The following WIPF2 variants were observed in gnomAD, a reference collection of about 807,000 sequenced individuals.
WIPF2 encodes WAS/WASL-interacting protein family member 2.
A neutral mutation model predicts 38.8 loss-of-function variants in WIPF2; 23 were observed. The ratio of observed to expected loss-of-function variants is 0.59; its 90% CI spans 0.43 to 0.84. WIPF2 has a LOEUF of 0.84. WIPF2 is among the 40% of genes least tolerant of loss of function. WIPF2 has a pLI of 0.00. For synonymous variants in WIPF2, 210 were observed against 223.2 expected (o/e 0.94, Z 0.53); for missense variants, 574 against 580.5 (o/e 0.99, Z 0.11).
At chr17:40,270,511 G>A (rs922172291) in intron 5 of WIPF2, among the ~76,000 whole-genome samples, 4 of 152,136 alleles carry the variant, frequency 2.6e-5, no homozygotes, top group African/African-American at 9.7e-5. Flanking sequence ...GCCATTCCAG[G>A]TCGTCTCATC....
At chr17:40,268,630 T>C (rs2032159531) in intron 5 of WIPF2, among the ~76,000 whole-genome samples, 1 of 152,114 alleles carries the variant, frequency 6.6e-6, no homozygotes, top group Admixed American at 6.6e-5. Context: ...AGATGAGGTC[T>C]GTGTTGCCCA....
intron 1 of WIPF2, among the ~76,000 whole-genome samples, chr17:40,243,331 G>A (rs1254214456): frequency 2.0e-5 from 3 of 152,064 alleles, no homozygotes; most frequent in African/African-American, 7.2e-5. Context: ...AAAAATCTGG[G>A]GGAAGAGGAA....
Position 40,282,775 on chromosome 17 carries a change from G to A in WIPF2, c.*4550G>A, listed in dbSNP as rs1226365490. On this transcript the variant is annotated 3_prime_UTR_variant, in exon 8 of 8. Coordinates refer to ENST00000323571, the MANE Select transcript of WIPF2 (RefSeq NM_133264.5). ...AGAAAACCTTTGCCTCATAATTTGG[G>A]TAAGTGTAGTGGTTTGATTCCAGGT... The A allele has an allele frequency of 1.3e-5, 2 of 152,168 alleles. No individual in the cohort carries two copies. The highest frequency in any genetic ancestry group is 4.8e-5 in the African/African-American group (2 of 41,432). 9.4% of individuals were successfully genotyped at this position (152,168 alleles called of 1,614,324 possible).
intron 6 of WIPF2, among the ~76,000 whole-genome samples, chr17:40,274,571 A>G (rs1285287004): frequency 2.7e-4 from 40 of 147,604 alleles, no homozygotes; most frequent in African/African-American, 8.8e-4. Context: ...AAAAAAAAAA[A>G]AAAAAAAAAA....
intron 1 of WIPF2, among the ~76,000 whole-genome samples, chr17:40,228,077 G>T: frequency 7.4e-6 from 1 of 135,400 alleles, no homozygotes; most frequent in Non-Finnish European, 1.6e-5. Flanking sequence ...GTGCAGTGGC[G>T]GGATCTCGGC....
chr17:40,274,873 G>C (rs945228511), intron 6 of WIPF2, among the ~76,000 whole-genome samples: 1 of 143,282 alleles, frequency 7.0e-6, no homozygotes, highest in African/African-American at 2.6e-5. Flanking sequence ...TGAGGCTGCA[G>C]CAAACCATTG....
chr17:40,226,836 A>T (rs1598464440), intron 1 of WIPF2, among the ~76,000 whole-genome samples: 3 of 151,038 alleles, frequency 2.0e-5, no homozygotes, highest in Admixed American at 2.0e-4. Flanking sequence ...CTGCCTCCTG[A>T]GTTCAAGCGA....
intron 1 of WIPF2, among the ~76,000 whole-genome samples, chr17:40,233,907 T>C (rs1425146355): frequency 6.6e-6 from 1 of 151,852 alleles, no homozygotes; most frequent in African/African-American, 2.4e-5. Context: ...CTACTAAAAA[T>C]ACAAATTTAG....
chr17:40,219,630 AG>A (rs2030083350), intron 1 of WIPF2, 138 bp downstream of exon 1: 1 of 11,932 alleles, frequency 8.4e-5, no homozygotes, highest in African/African-American at 3.5e-4. Context: ...CCGGAGGGGG[AG>A]AGGGGTCTTG....
intron 2 of WIPF2, among the ~76,000 whole-genome samples, chr17:40,257,481 C>T (rs1240524707): frequency 1.3e-5 from 2 of 151,940 alleles, no homozygotes; most frequent in Non-Finnish European, 2.9e-5. Flanking sequence ...GCTACTTTAG[C>T]CATACCTAGA....
intron 6 of WIPF2, among the ~76,000 whole-genome samples, chr17:40,275,764 G>A (rs1201487593): frequency 2.0e-5 from 3 of 151,892 alleles, no homozygotes; most frequent in Non-Finnish European, 4.4e-5. Flanking sequence ...ATGAGGTTTT[G>A]CCATGTTGCC....
chr17:40,284,116 ACTAC>A lies in WIPF2; in HGVS notation c.*5895_*5898del, dbSNP rs1381053077. The A allele has an allele frequency of 6.6e-6, 1 of 152,232 alleles. No individual in the cohort carries two copies. Among genetic ancestry groups the A allele is most frequent in the Non-Finnish European group, 1.5e-5 (1 of 68,038 alleles). The allele number at this position is 152,232 out of a possible 1,614,324, so 9.4% of individuals were successfully genotyped here. A position where few individuals can be genotyped will look rare whatever the true frequency, so the allele number is the denominator to read the frequency against. On this transcript the variant is annotated 3_prime_UTR_variant, in exon 8 of 8. Transcript: ENST00000323571. ...TCATTGTTATTAATATGGTTAATAA[ACTAC>A]CTATTTATTGATTGAATTGTTCCTC...
In WIPF2 at chr17:40,219,369, G is replaced by T; in HGVS notation, c.-193G>T. The T allele has an allele frequency of 3.3e-6, 1 of 301,110 alleles. No individual in the cohort carries two copies. 18.7% of individuals were successfully genotyped at this position (301,110 alleles called of 1,614,324 possible). A position where few individuals can be genotyped will look rare whatever the true frequency, so the allele number is the denominator to read the frequency against. ...TTTCCGGGTTGGCAAAAGGGGCGGT[G>T]GCGGCGGCGGCGGCGGCGGCGGCGG... is the stretch of plus-strand genomic sequence containing the variant. On this transcript the variant is annotated 5_prime_UTR_variant, in exon 1 of 8. Coordinates refer to ENST00000323571, the MANE Select transcript of WIPF2 (RefSeq NM_133264.5).
chr17:40,247,488 G>C (rs944546572), intron 1 of WIPF2, among the ~76,000 whole-genome samples: 1 of 150,760 alleles, frequency 6.6e-6, no homozygotes, highest in Non-Finnish European at 1.5e-5. Context: ...CAAAGTGCTG[G>C]GATTACGGGC....
rs2032588893 is a variant in WIPF2 at position 40,283,158 on chromosome 17, A to G, written c.*4933A>G. ...CTGAGATCATGCCACTGCACTAAAA[A>G]AAAAAAAAAAAAAAAAAAAAAAAAA... is the stretch of plus-strand genomic sequence containing the variant. On this transcript the variant is annotated 3_prime_UTR_variant, in exon 8 of 8. Transcript: ENST00000323571. 2.4e-4 allele frequency: 29 copies of G among 123,278 alleles called. No individual in the cohort carries two copies. The highest frequency in any genetic ancestry group is 9.0e-4 in the African/African-American group (26 of 28,804). The allele number at this position is 123,278 out of a possible 1,614,324, so 7.6% of individuals were successfully genotyped here.
chr17:40,246,893 C>G (rs1479165304), intron 1 of WIPF2, among the ~76,000 whole-genome samples: 1 of 151,902 alleles, frequency 6.6e-6, no homozygotes, highest in African/African-American at 2.4e-5. Flanking sequence ...GGGCGGATCA[C>G]GACATCAGTA....
rs760739283 is a variant in WIPF2 at position 40,264,910 on chromosome 17, G to A, written c.734G>A (p.Gly245Asp). The change falls in exon 5 of 8, where the codon GGC becomes GAC. Residue 245 changes from glycine (G) to aspartate (D), a missense_variant. Physicochemically the swap from Gly to Asp is moderately conservative, Grantham distance 94 (BLOSUM62 -1). Coordinates refer to ENST00000323571, the MANE Select transcript of WIPF2 (RefSeq NM_133264.5). ...GTGAATATCAGAACAGGACCAAGTG[G>A]CCAGTCTCTGGCTCCTCCTCCTCCG... ...SPVNIRTGPS[G>D]QSLAPPPPPY... is the part of the protein sequence containing the mutation. 2.4e-5 allele frequency: 38 copies of A among 1,613,974 alleles called. No individual in the cohort carries two copies. Among genetic ancestry groups the A allele is most frequent in the Non-Finnish European group, 3.1e-5 (36 of 1,180,016 alleles).
At chr17:40,272,711 C>T (rs1463551845) in intron 5 of WIPF2, among the ~76,000 whole-genome samples, 1 of 152,048 alleles carries the variant, frequency 6.6e-6, no homozygotes, top group African/African-American at 2.4e-5. Context: ...TGAGGGGAGT[C>T]ACAAGAGCAA....
At chr17:40,240,772 G>A (rs1481594603) in intron 1 of WIPF2, among the ~76,000 whole-genome samples, 2 of 151,378 alleles carry the variant, frequency 1.3e-5, no homozygotes, top group South Asian at 2.1e-4. Flanking sequence ...GTGAAACCCC[G>A]TCTCTACTAA....
Sources: gnomAD v4.1 joint callset for allele counts (sites outside exome capture counted in the v4.1 genomes callset) on GRCh38, gnomAD v4.1.1 for gene constraint, MANE v1.5 for transcripts, NCBI Gene and HGNC (gene_info 2026-07-23, HGNC 2026-07-21) for gene names.